The following LHX1 variants were observed in gnomAD, a reference collection of about 807,000 sequenced individuals.
The protein encoded by LHX1 is LIM homeobox 1, also known as LIM/homeobox protein Lhx1.
A neutral mutation model predicts 34.1 loss-of-function variants in LHX1; 9 were observed. The observed-to-expected ratio is 0.26, with a 90% CI of 0.16 to 0.46. The LOEUF (loss-of-function observed/expected upper bound fraction) is 0.46. LHX1 is among the 20% of genes least tolerant of loss of function. The pLI is 1.00. For synonymous variants in LHX1, 254 were observed against 241.5 expected (o/e 1.05, Z -0.48); for missense variants, 446 against 559.1 (o/e 0.80, Z 2.04).
chr17:36,940,626 C>T lies in LHX1; in HGVS notation c.414C>T (p.Asp138=). Reference sequence around the variant, plus strand: ...CCCTCTTAGCCACCACGGGCAGTGACCCCAGTTTGTCTCCGGATTCCCAAG... The same window carrying T: ...CCCTCTTAGCCACCACGGGCAGTGATCCCAGTTTGTCTCCGGATTCCCAAG... ...NSLHSATTGS[D]PSLSPDSQDP... is the part of the protein sequence containing the mutation. Residue 138 remains aspartate (D), a synonymous_variant, in exon 3 of 5, where the codon GAC becomes GAT. Coordinates refer to ENST00000614239, the MANE Select transcript of LHX1 (RefSeq NM_005568.5). 1 of 1,613,844 alleles carries T rather than the reference C, an allele frequency of 6.2e-7. No homozygotes were observed. The highest frequency in any genetic ancestry group is 1.1e-5 in the South Asian group (1 of 91,090).
In LHX1 at chr17:36,937,661, C is replaced by A. The variant is rs1281808275; in HGVS notation, c.-537C>A. ...TTTTTTAAAAAAAGAGGGGGGAAAT[C>A]CCAGTGGTGGGCAGCCTGGCACGCA... On this transcript the variant is annotated 5_prime_UTR_variant, in exon 1 of 5. Transcript: ENST00000614239. 2 of 365,478 alleles carry A rather than the reference C, an allele frequency of 5.5e-6. No individual in the cohort carries two copies. Among genetic ancestry groups the A allele is most frequent in the Admixed American group, 7.8e-5 (2 of 25,488 alleles). The allele number at this position is 365,478 out of a possible 1,614,324, so 22.6% of individuals were successfully genotyped here.
chr17:36,942,066 AC>A (rs1222414328), intron 3 of LHX1, 133 bp from the exon 4 acceptor site: 3 of 831,446 alleles, frequency 3.6e-6, no homozygotes, highest in Admixed American at 2.4e-5. Flanking sequence ...CGTCACCACT[AC>A]CCTACACACA....
Position 36,941,219 on chromosome 17 carries a change from C to T in LHX1, c.675+332C>T, listed in dbSNP as rs80018952. 4,275 of 600,428 alleles carry T rather than the reference C, an allele frequency of 7.1e-3. 122 individuals are homozygous for T. Among genetic ancestry groups the T allele is most frequent in the African/African-American group, 0.064 (3,557 of 55,272 alleles). 37.2% of individuals were successfully genotyped at this position (600,428 alleles called of 1,614,324 possible). ...CACATACCCCACCCCACCTCGGGTT[C>T]GGAAGGGTCAGAGAAGTCTCAGTGT... On this transcript the variant is annotated intron_variant, in intron 3 of 4. Coordinates refer to ENST00000614239, the MANE Select transcript of LHX1 (RefSeq NM_005568.5).
rs2070756389 is a variant in LHX1, at chr17:36,940,317, C to A, written c.198C>A (p.Cys66Ter). 1 of 1,329,280 alleles carries A rather than the reference C, an allele frequency of 7.5e-7. No homozygotes were observed. The highest frequency in any genetic ancestry group is 2.2e-5 in the Admixed American group (1 of 45,686). The allele number at this position is 1,329,280 out of a possible 1,614,324, so 82.3% of individuals were successfully genotyped here. A position where few individuals can be genotyped will look rare whatever the true frequency, so the allele number is the denominator to read the frequency against. The change falls in exon 2 of 5, where the codon TGC (cysteine) becomes TGA (stop). Residue 66 changes from cysteine (C) to a stop codon, truncating the protein, a stop_gained. Coordinates refer to ENST00000614239, the MANE Select transcript of LHX1 (RefSeq NM_005568.5). LOFTEE classifies it high-confidence loss of function. ...GTTTCGGTACCAAATGCGCAGGCTG[C>A]GCTCAGGGCATCTCCCCTAGCGACC... ...FRCFGTKCAG[C>*]AQGISPSDLV...
intron 4 of LHX1, 122 bp from the exon 5 acceptor site, chr17:36,942,630 G>A: frequency 8.5e-7 from 1 of 1,172,790 alleles, no homozygotes; most frequent in Non-Finnish European, 1.2e-6. Flanking sequence ...AGGGCTCCCC[G>A]CGATCCGCGA....
At chr17:36,937,279 GC>G (rs1333693551), upstream of LHX1, 1 of 442,676 alleles carries the variant, frequency 2.3e-6, no homozygotes, top group Admixed American at 2.5e-5. Flanking sequence ...TCCCGAAGGA[GC>G]CCGGGCGCAG....
At chr17:36,940,557 C>G (rs2142182132) in intron 2 of LHX1, 41 bp downstream of exon 2, 1 of 1,613,658 alleles carries the variant, frequency 6.2e-7, no homozygotes, top group East Asian at 2.2e-5. Context: ...CAAGCGGGTC[C>G]TGGGGGAGGA....
In LHX1 at chr17:36,938,349, G is replaced by T; in HGVS notation, c.152G>T (p.Cys51Phe). ...TTCTCCAGGGAAGGCAAACTCTACT[G>T]CAAGAACGACTTCTTCCGGTGAGTA... is the stretch of plus-strand genomic sequence containing the variant. ...KCFSREGKLYCKNDFFRCFGT... is the reference protein window; with the variant it reads ...KCFSREGKLYFKNDFFRCFGT... Residue 51 changes from cysteine (C) to phenylalanine (F), a missense_variant, in exon 1 of 5, where the codon TGC becomes TTC. Around this residue, in one of 3 missense-constraint regions of LHX1, gnomAD observed 168 missense variants for 226.6 expected, o/e 0.74. Coordinates refer to ENST00000614239, the MANE Select transcript of LHX1 (RefSeq NM_005568.5). 6.2e-7 allele frequency: 1 copy of T among 1,614,180 alleles called. No homozygotes were observed. Among genetic ancestry groups the T allele is most frequent in the Non-Finnish European group, 8.5e-7 (1 of 1,180,006 alleles).
rs1395442938 is a variant in LHX1, at chr17:36,942,772, G to A, written c.862G>A (p.Gly288Arg). 6.5e-7 allele frequency: 1 copy of A among 1,535,282 alleles called. No individual in the cohort carries two copies. Among genetic ancestry groups the A allele is most frequent in the African/African-American group, 1.4e-5 (1 of 72,448 alleles). ...CGCAGATTACCAGAGCGAGTACTAC[G>A]GGCCCGGGGGCAACTACGACTTCTT... The part of the protein sequence containing the change: ...FYGDYQSEYY[G>R]PGGNYDFFPQ... Residue 288 changes from glycine to arginine, a missense_variant, in exon 5 of 5, where the codon GGG (glycine) becomes AGG (arginine). Gly to Arg is a moderately radical substitution (Grantham distance 125). Around this residue, in one of 3 missense-constraint regions of LHX1, gnomAD observed 235 missense variants for 224.4 expected, o/e 1.05. Coordinates refer to ENST00000614239, the MANE Select transcript of LHX1 (RefSeq NM_005568.5).
chr17:36,940,560 G>A (rs1567957166), intron 2 of LHX1, 44 bp downstream of exon 2: 1 of 1,613,594 alleles, frequency 6.2e-7, no homozygotes, highest in African/African-American at 1.3e-5. Context: ...GCGGGTCCTG[G>A]GGGAGGAAGG....
At chr17:36,939,600 G>A (rs537714980) in intron 1 of LHX1, among the ~76,000 whole-genome samples, 11 of 152,232 alleles carry the variant, frequency 7.2e-5, no homozygotes, top group Non-Finnish European at 1.2e-4. Flanking sequence ...AACCGTACTC[G>A]TACCCGCTGC....
chr17:36,942,440 G>T (rs1053405969), intron 4 of LHX1, 75 bp downstream of exon 4: 21 of 1,446,738 alleles, frequency 1.5e-5, no homozygotes, highest in Non-Finnish European at 1.8e-5. Context: ...AGCGCGGGGG[G>T]GCACGCCTCG....
chr17:36,937,629 C>T lies in LHX1; in HGVS notation c.-569C>T, dbSNP rs2070735529. 4 of 337,958 alleles carry T rather than the reference C, an allele frequency of 1.2e-5. No individual in the cohort carries two copies. The highest frequency in any genetic ancestry group is 8.7e-5 in the African/African-American group (4 of 45,762). 20.9% of individuals were successfully genotyped at this position (337,958 alleles called of 1,614,324 possible). Reference sequence around the variant, plus strand: ...AGCTTCTCTGCTCCTTTTGTTCTTTCCTTCCCTTTTTTAAAAAAAGAGGGG... The same window carrying T: ...AGCTTCTCTGCTCCTTTTGTTCTTTTCTTCCCTTTTTTAAAAAAAGAGGGG... On this transcript the variant is annotated 5_prime_UTR_variant, in exon 1 of 5. Transcript: ENST00000614239.
intron 3 of LHX1, 149 bp downstream of exon 3, chr17:36,941,036 C>A: frequency 1.7e-6 from 2 of 1,203,716 alleles, no homozygotes; most frequent in Non-Finnish European, 2.4e-6. Context: ...GCCTGCGGGA[C>A]CTATGAAATG....
chr17:36,940,315 T>C lies in LHX1; in HGVS notation c.196T>C (p.Cys66Arg). 7.7e-7 allele frequency: 1 copy of C among 1,300,108 alleles called. No homozygotes were observed. Among genetic ancestry groups the C allele is most frequent in the Non-Finnish European group, 1.0e-6 (1 of 994,072 alleles). The allele number at this position is 1,300,108 out of a possible 1,614,324, so 80.5% of individuals were successfully genotyped here. A position where few individuals can be genotyped will look rare whatever the true frequency, so the allele number is the denominator to read the frequency against. Residue 66 changes from cysteine (C) to arginine (R), a missense_variant, in exon 2 of 5, where the codon TGC becomes CGC. Cys to Arg is a radical substitution (Grantham distance 180). Coordinates refer to ENST00000614239, the MANE Select transcript of LHX1 (RefSeq NM_005568.5). ...FRCFGTKCAG[C>R]AQGISPSDLV... is the part of the protein sequence containing the mutation. ...GTGTTTCGGTACCAAATGCGCAGGCTGCGCTCAGGGCATCTCCCCTAGCGA... is the reference window on the plus strand; with the variant it reads ...GTGTTTCGGTACCAAATGCGCAGGCCGCGCTCAGGGCATCTCCCCTAGCGA...
At position 36,942,341 on chromosome 17, in the gene LHX1, A is replaced by G. The variant is rs368764737; in HGVS notation, c.817A>G (p.Asn273Asp). ...DRLEPGELIP[N>D]GPFSFYGDYQ... is the part of the protein sequence containing the mutation. ...CCTGGAGCCGGGCGAGCTCATCCCCAATGGTCCCTTCTCCTTCTACGGAGG... is the reference window on the plus strand; with the variant it reads ...CCTGGAGCCGGGCGAGCTCATCCCCGATGGTCCCTTCTCCTTCTACGGAGG... Residue 273 changes from asparagine to aspartate, a missense_variant, in exon 4 of 5, where the codon AAT becomes GAT. By Grantham distance (23) the Asn-to-Asp change is conservative. This residue lies in a region of LHX1 where 235 missense variants were observed against 224.4 expected (regional missense o/e 1.05). Coordinates refer to ENST00000614239, the MANE Select transcript of LHX1 (RefSeq NM_005568.5). The G allele has an allele frequency of 2.2e-4, 356 of 1,588,994 alleles. 1 individual carries two copies. The highest frequency in any genetic ancestry group is 3.0e-4 in the Non-Finnish European group (351 of 1,168,850).
intron 4 of LHX1, 63 bp from the exon 5 acceptor site, chr17:36,942,689 C>T (rs987273307): frequency 4.2e-6 from 6 of 1,427,886 alleles, no homozygotes; most frequent in African/African-American, 1.5e-5. Flanking sequence ...TCTTCCCTCC[C>T]TTTCGGTCCC....
At chr17:36,941,427 T>G (rs1045969608) in intron 3 of LHX1, 1 of 324,014 alleles carries the variant, frequency 3.1e-6, no homozygotes, top group Non-Finnish European at 6.1e-6. Context: ...GAAATTTGGG[T>G]ATGGGAGCCT....
Position 36,942,281 on chromosome 17 carries a change from C to A in LHX1, c.757C>A (p.Arg253Ser). 2.5e-6 allele frequency: 4 copies of A among 1,596,854 alleles called. No homozygotes were observed. The highest frequency in any genetic ancestry group is 3.4e-6 in the Non-Finnish European group (4 of 1,173,416). ...ALGARRHAFF[R>S]SPRRMRPLVD... ...GGGCGCCCGGCGCCACGCCTTCTTC[C>A]GCAGTCCGCGCCGGATGCGGCCGCT... The change falls in exon 4 of 5, where the codon CGC (arginine) becomes AGC (serine). Residue 253 changes from arginine (R) to serine (S), a missense_variant. By Grantham distance (110) the Arg-to-Ser change is moderately radical. Around this residue, in one of 3 missense-constraint regions of LHX1, gnomAD observed 235 missense variants for 224.4 expected, o/e 1.05. Coordinates refer to ENST00000614239, the MANE Select transcript of LHX1 (RefSeq NM_005568.5).
Sources: gnomAD v4.1 joint callset for allele counts (sites outside exome capture counted in the v4.1 genomes callset) on GRCh38, gnomAD v4.1.1 for gene constraint, gnomAD v4.1.1 regional missense constraint, MANE v1.5 for transcripts, NCBI Gene and HGNC (gene_info 2026-07-23, HGNC 2026-07-21) for gene names.